DCC: variants seen among roughly 807,000 people sequenced by gnomAD.
DCC encodes DCC netrin 1 receptor, also known as netrin receptor DCC.
A neutral mutation model predicts 172.5 loss-of-function variants in DCC; 58 were observed. That is an observed-to-expected ratio of 0.34 (90% CI 0.27 to 0.42). DCC has a LOEUF of 0.42. Ranked by LOEUF, DCC falls within the 10% of genes least tolerant of loss-of-function variation. The pLI is 1.00. For synonymous variants in DCC, 709 were observed against 644.5 expected (o/e 1.10, Z -1.52); for missense variants, 1,740 against 1,791.0 (o/e 0.97, Z 0.51).
intron 1 of DCC, among the ~76,000 whole-genome samples, chr18:52,392,137 C>T (rs1475612276): frequency 6.6e-6 from 1 of 152,154 alleles, no homozygotes; most frequent in Non-Finnish European, 1.5e-5. Flanking sequence ...ATTAATTATG[C>T]TTCAGAATCA....
At chr18:53,293,047 T>C (rs1334423480) in intron 12 of DCC, among the ~76,000 whole-genome samples, 1 of 152,082 alleles carries the variant, frequency 6.6e-6, no homozygotes, top group African/African-American at 2.4e-5. Flanking sequence ...TATTTTGTAG[T>C]GTTTTCAATT....
At chr18:53,384,941 A>G (rs56371758) in intron 15 of DCC, among the ~76,000 whole-genome samples, 105,908 of 149,712 alleles carry the variant, frequency 0.71, 40,648 homozygotes, top group Non-Finnish European at 0.86. Flanking sequence ...TCCGCCTCCC[A>G]GGTTCACGCC....
At chr18:52,493,676 C>T (rs548680825) in intron 1 of DCC, among the ~76,000 whole-genome samples, 12 of 151,932 alleles carry the variant, frequency 7.9e-5, no homozygotes, top group South Asian at 6.2e-4. Flanking sequence ...TTTATAACTT[C>T]GAGTTTTCTC....
At chr18:52,787,159 CA>C (rs2037675260) in intron 2 of DCC, among the ~76,000 whole-genome samples, 1 of 151,990 alleles carries the variant, frequency 6.6e-6, no homozygotes, top group African/African-American at 2.4e-5. Flanking sequence ...CAAAATATTC[CA>C]AAAAGGTTGC....
intron 12 of DCC, among the ~76,000 whole-genome samples, chr18:53,262,255 T>C (rs2056615350): frequency 6.6e-6 from 1 of 152,212 alleles, no homozygotes; most frequent in Non-Finnish European, 1.5e-5. Flanking sequence ...CTTATGTGAA[T>C]GTATTATACC....
chr18:52,633,046 A>G (rs1255163538), intron 1 of DCC, among the ~76,000 whole-genome samples: 2 of 152,192 alleles, frequency 1.3e-5, no homozygotes, highest in East Asian at 3.9e-4. Context: ...TAAATCAATG[A>G]AAAGCATTCT....
chr18:53,441,603 T>C (rs966818632), intron 22 of DCC, among the ~76,000 whole-genome samples: 1 of 152,116 alleles, frequency 6.6e-6, no homozygotes, highest in African/African-American at 2.4e-5. Flanking sequence ...TCTCATTCTT[T>C]CCTCCCCCAT....
At chr18:52,626,623 C>T (rs1568262375) in intron 1 of DCC, among the ~76,000 whole-genome samples, 1 of 152,156 alleles carries the variant, frequency 6.6e-6, no homozygotes, top group African/African-American at 2.4e-5. Context: ...TGGCACTCAC[C>T]TTGTACCTTC....
chr18:53,454,694 G>A (rs2045462163), intron 23 of DCC, among the ~76,000 whole-genome samples: 1 of 152,158 alleles, frequency 6.6e-6, no homozygotes, highest in Non-Finnish European at 1.5e-5. Context: ...AGATTAGTAT[G>A]CATTCAAATC....
chr18:52,627,701 G>A (rs1438406888), intron 1 of DCC, among the ~76,000 whole-genome samples: 1 of 152,232 alleles, frequency 6.6e-6, no homozygotes, highest in East Asian at 1.9e-4. Flanking sequence ...TAAAGCAAAT[G>A]AGACAACTCT....
chr18:52,369,243 T>G (rs1257703483), intron 1 of DCC, among the ~76,000 whole-genome samples: 2 of 150,370 alleles, frequency 1.3e-5, no homozygotes, highest in Non-Finnish European at 3.0e-5. Context: ...TTTGTGGGTT[T>G]TTTTTCTTTG....
At chr18:52,564,806 C>T (rs2033119919) in intron 1 of DCC, among the ~76,000 whole-genome samples, 1 of 151,914 alleles carries the variant, frequency 6.6e-6, no homozygotes, top group Non-Finnish European at 1.5e-5. Flanking sequence ...GACCATGGAA[C>T]CCAGTAGGAG....
At chr18:52,577,256 T>C (rs546578665) in intron 1 of DCC, among the ~76,000 whole-genome samples, 2 of 152,378 alleles carry the variant, frequency 1.3e-5, no homozygotes, top group Admixed American at 1.3e-4. Context: ...TTTGCTAATC[T>C]GATGGAAGGG....
intron 2 of DCC, chr18:52,818,248 C>A (rs1198348723): frequency 2.0e-5 from 3 of 150,838 alleles, no homozygotes; most frequent in Non-Finnish European, 4.4e-5. Flanking sequence ...AGTATGGTGA[C>A]AAAAAATTTA....
chr18:53,256,873 C>A (rs2144671394), intron 12 of DCC, among the ~76,000 whole-genome samples: 1 of 152,230 alleles, frequency 6.6e-6, no homozygotes. Context: ...TTGTTTGTAT[C>A]CTCTTTGATT....
intron 1 of DCC, among the ~76,000 whole-genome samples, chr18:52,495,075 C>T (rs1568197103): frequency 6.6e-6 from 1 of 152,032 alleles, no homozygotes; most frequent in Non-Finnish European, 1.5e-5. Context: ...GGCTTTCAAC[C>T]AAGAGCCTAC....
intron 1 of DCC, among the ~76,000 whole-genome samples, chr18:52,652,941 A>G (rs907135119): frequency 6.6e-6 from 1 of 152,132 alleles, no homozygotes; most frequent in Non-Finnish European, 1.5e-5. Flanking sequence ...AGAGAATAAC[A>G]AAACAGGAAA....
At chr18:53,058,342 C>T (rs2042443347) in intron 5 of DCC, among the ~76,000 whole-genome samples, 1 of 152,096 alleles carries the variant, frequency 6.6e-6, no homozygotes, top group Non-Finnish European at 1.5e-5. Context: ...TATAAAGTTA[C>T]AAGCTTGGTC....
At chr18:53,526,473 A>G (rs2046456625) in intron 27 of DCC, 144 bp from the exon 28 acceptor site, 1 of 885,056 alleles carries the variant, frequency 1.1e-6, no homozygotes, top group Non-Finnish European at 1.8e-6. Context: ...GAGCCCACTC[A>G]TTGTGTCAGA....
Sources: gnomAD v4.1 joint callset for allele counts (sites outside exome capture counted in the v4.1 genomes callset) on GRCh38, gnomAD v4.1.1 for gene constraint, MANE v1.5 for transcripts, NCBI Gene and HGNC (gene_info 2026-07-23, HGNC 2026-07-21) for gene names.